Variants in ADAMTSL1 observed in about 807,000 individuals in gnomAD.
ADAMTSL1 encodes ADAMTS like 1.
In ADAMTSL1, 126 loss-of-function variants were observed where a neutral mutation model predicts 201.8. That is an observed-to-expected ratio of 0.62 (90% CI 0.54 to 0.72). The LOEUF is 0.72. Among genes scored for constraint, ADAMTSL1 ranks in the 30% least tolerant of loss-of-function variants. The probability of loss-of-function intolerance (pLI) is 0.00; values close to 1 mark genes in which losing one functional copy is unlikely to be tolerated. For synonymous variants in ADAMTSL1, 1,121 were observed against 903.4 expected, an observed-to-expected ratio of 1.24 and a Z score of -4.32; for missense variants, 2,679 against 2,277.8, an observed-to-expected ratio of 1.18 and a Z score of -3.59.
At chr9:18,547,132 G>A (rs1379817104) in intron 3 of ADAMTSL1, among the ~76,000 whole-genome samples, 2 of 152,038 alleles carry the variant, frequency 1.3e-5, no homozygotes, top group Non-Finnish European at 2.9e-5. Flanking sequence ...ATTGCTCTAG[G>A]AGCAAATGAA....
At chr9:18,526,097 A>G (rs181414650) in intron 2 of ADAMTSL1, among the ~76,000 whole-genome samples, 2 of 152,262 alleles carry the variant, frequency 1.3e-5, no homozygotes, top group African/African-American at 4.8e-5. Context: ...GTAAGTCTCT[A>G]AGGACTTGCT....
chr9:18,541,895 A>T (rs1378126146), intron 3 of ADAMTSL1, among the ~76,000 whole-genome samples: 1 of 152,240 alleles, frequency 6.6e-6, no homozygotes, highest in Non-Finnish European at 1.5e-5. Context: ...TATTTGTACA[A>T]ACCTGTGAGT....
chr9:18,750,131 T>G (rs1290963023), intron 15 of ADAMTSL1, among the ~76,000 whole-genome samples: 1 of 152,200 alleles, frequency 6.6e-6, no homozygotes, highest in Non-Finnish European at 1.5e-5. Flanking sequence ...AGTATTTCCC[T>G]TGAGTGGAAA....
At chr9:18,194,376 G>A (rs1217631185) in intron 2 of ADAMTSL1, among the ~76,000 whole-genome samples, 1 of 152,074 alleles carries the variant, frequency 6.6e-6, no homozygotes, top group African/African-American at 2.4e-5. Flanking sequence ...AGAAAATGAA[G>A]AGGACAGAAA....
intron 1 of ADAMTSL1, among the ~76,000 whole-genome samples, chr9:18,107,008 C>G (rs889541061): frequency 6.6e-6 from 1 of 151,976 alleles, no homozygotes; most frequent in Non-Finnish European, 1.5e-5. Context: ...TAGGTTGGGG[C>G]TTTTTTATGT....
At chr9:18,400,886 A>G (rs568912294) in intron 2 of ADAMTSL1, among the ~76,000 whole-genome samples, 1 of 152,262 alleles carries the variant, frequency 6.6e-6, no homozygotes, top group Admixed American at 6.5e-5. Context: ...GAAGCTCAGG[A>G]CAGCTGGCAA....
intron 2 of ADAMTSL1, among the ~76,000 whole-genome samples, chr9:18,415,204 A>G (rs570448568): frequency 9.8e-5 from 15 of 152,346 alleles, no homozygotes; most frequent in African/African-American, 3.6e-4. Context: ...AAGTGGGAAA[A>G]TATAACCCGT....
At chr9:18,753,532 T>A in intron 16 of ADAMTSL1, 24 bp downstream of exon 16, 2 of 1,591,968 alleles carry the variant, frequency 1.3e-6, no homozygotes, top group East Asian at 2.3e-5. Flanking sequence ...TTACTCAATA[T>A]TGGAGCTTTT....
chr9:17,939,875 AG>A (rs1268860255), intron 1 of ADAMTSL1, among the ~76,000 whole-genome samples: 2 of 152,134 alleles, frequency 1.3e-5, no homozygotes, highest in South Asian at 2.1e-4. Context: ...GAGGACATGA[AG>A]GGGGGAGCAA....
intron 2 of ADAMTSL1, among the ~76,000 whole-genome samples, chr9:18,241,619 A>G (rs1340866563): frequency 6.6e-6 from 1 of 152,218 alleles, no homozygotes; most frequent in Non-Finnish European, 1.5e-5. Context: ...TATAAACAAA[A>G]TGACAAACCT....
chr9:18,899,810 A>G (rs1468536677), intron 26 of ADAMTSL1, among the ~76,000 whole-genome samples: 1 of 152,146 alleles, frequency 6.6e-6, no homozygotes, highest in Admixed American at 6.6e-5. Context: ...TAAAGACTTA[A>G]ATGTAAAACC....
chr9:18,090,975 C>A (rs10963442), intron 1 of ADAMTSL1, among the ~76,000 whole-genome samples: 3 of 151,830 alleles, frequency 2.0e-5, no homozygotes, highest in Admixed American at 6.6e-5. Context: ...CACTTGCTTT[C>A]GCAGGTTCTC....
intron 15 of ADAMTSL1, among the ~76,000 whole-genome samples, chr9:18,744,129 G>A (rs868183132): frequency 6.6e-6 from 1 of 152,202 alleles, no homozygotes; most frequent in Admixed American, 6.5e-5. Flanking sequence ...AACAGTCTTT[G>A]GGAAGTGCAA....
intron 1 of ADAMTSL1, among the ~76,000 whole-genome samples, chr9:18,157,188 A>G (rs1488527074): frequency 6.6e-6 from 1 of 152,100 alleles, no homozygotes; most frequent in Non-Finnish European, 1.5e-5. Context: ...ATCCCACATT[A>G]TACACAGTGC....
intron 1 of ADAMTSL1, among the ~76,000 whole-genome samples, chr9:17,949,594 G>A (rs950551503): frequency 1.3e-5 from 2 of 152,144 alleles, no homozygotes; most frequent in African/African-American, 4.8e-5. Flanking sequence ...CTCCAAGCCA[G>A]ACCAGCCTAG....
At chr9:18,550,101 C>A (rs918573801) in intron 3 of ADAMTSL1, among the ~76,000 whole-genome samples, 6 of 151,902 alleles carry the variant, frequency 3.9e-5, no homozygotes, top group African/African-American at 1.4e-4. Flanking sequence ...AACCAAAGAG[C>A]TTTTGGAGAT....
At chr9:18,057,359 G>T (rs1822241694) in intron 1 of ADAMTSL1, among the ~76,000 whole-genome samples, 1 of 152,234 alleles carries the variant, frequency 6.6e-6, no homozygotes, top group Non-Finnish European at 1.5e-5. Flanking sequence ...GGATGCTAAA[G>T]AATGATTTTA....
intron 2 of ADAMTSL1, among the ~76,000 whole-genome samples, chr9:18,267,569 TCTTA>T (rs1405926776): frequency 1.3e-5 from 2 of 152,212 alleles, no homozygotes; most frequent in African/African-American, 2.4e-5. Flanking sequence ...CTGCAGGAGT[TCTTA>T]CTTAGTTAAG....
intron 20 of ADAMTSL1, among the ~76,000 whole-genome samples, chr9:18,807,478 A>T (rs1223859279): frequency 6.6e-6 from 1 of 151,920 alleles, no homozygotes; most frequent in Non-Finnish European, 1.5e-5. Flanking sequence ...CCCCGTCTCT[A>T]CTAAAAAATA....
Sources: gnomAD v4.1 joint callset for allele counts (sites outside exome capture counted in the v4.1 genomes callset) on GRCh38, gnomAD v4.1.1 for gene constraint, MANE v1.5 for transcripts, NCBI Gene and HGNC (gene_info 2026-07-23, HGNC 2026-07-21) for gene names.